Variants in GRM1 observed in about 807,000 individuals in gnomAD.
GRM1 encodes the protein metabotropic glutamate receptor 1.
A neutral mutation model predicts 90.9 loss-of-function variants in GRM1; 33 were observed. The ratio of observed to expected loss-of-function variants is 0.36; its 90% confidence interval spans 0.28 to 0.49. GRM1 has a LOEUF of 0.49. GRM1 is among the 20% of genes least tolerant of loss of function. The pLI is 0.99. For missense variants in GRM1, 1,190 were observed against 1,534.3 expected (o/e 0.78, Z 3.75); for synonymous variants, 700 against 613.2 (o/e 1.14, Z -2.09).
chr6:146,374,938 T>C (rs2115103576), intron 5 of GRM1, among the ~76,000 whole-genome samples: 1 of 152,202 alleles, frequency 6.6e-6, no homozygotes, highest in Middle Eastern at 3.4e-3. Context: ...CTTTTTTAGT[T>C]CCTTAAGATG....
upstream of GRM1, among the ~76,000 whole-genome samples, chr6:146,028,269 G>GTGTGTGTGTGTGTA (rs1554258667): frequency 6.8e-6 from 1 of 147,190 alleles, no homozygotes; most frequent in African/African-American, 2.5e-5. Flanking sequence ...GTGTGTGTGT[G>GTGTGTGTGTGTGTA]TGTGTGTGTA....
At chr6:146,148,988 GT>G (rs1777215915) in intron 1 of GRM1, among the ~76,000 whole-genome samples, 1 of 152,158 alleles carries the variant, frequency 6.6e-6, no homozygotes, top group East Asian at 1.9e-4. Flanking sequence ...GAAATGCTGG[GT>G]TTTTTTCCAA....
intron 2 of GRM1, among the ~76,000 whole-genome samples, chr6:146,232,264 T>G (rs537182357): frequency 6.6e-6 from 1 of 152,142 alleles, no homozygotes; most frequent in South Asian, 2.1e-4. Context: ...GTTGACAAGG[T>G]TGTTTCTTCT....
chr6:146,354,811 TG>T (rs1203627094), intron 4 of GRM1, among the ~76,000 whole-genome samples: 1 of 152,134 alleles, frequency 6.6e-6, no homozygotes, highest in African/African-American at 2.4e-5. Context: ...GAAGGAACCC[TG>T]GGGTCAAAGG....
At chr6:146,218,116 C>T (rs1779937248) in intron 2 of GRM1, among the ~76,000 whole-genome samples, 1 of 152,054 alleles carries the variant, frequency 6.6e-6, no homozygotes, top group Non-Finnish European at 1.5e-5. Flanking sequence ...GTGTGGAGAG[C>T]GATCACTGCT....
In GRM1 at chr6:146,434,432, A is replaced by G. The variant is rs547825360; in HGVS notation, c.3221A>G (p.His1074Arg). The G allele has an allele frequency of 4.3e-6, 7 of 1,613,522 alleles. No individual in the cohort carries two copies. Among genetic ancestry groups the G allele is most frequent in the Middle Eastern group, 1.6e-4 (1 of 6,062 alleles). Residue 1074 changes from histidine to arginine, a missense_variant, in exon 8 of 8, where the codon CAC (histidine) becomes CGC (arginine). Physicochemically the swap from His to Arg is conservative, Grantham distance 29. Around this residue, in one of 10 missense-constraint regions of GRM1, gnomAD observed 400 missense variants for 360.8 expected, o/e 1.11. Coordinates refer to ENST00000282753, the MANE Select transcript of GRM1 (RefSeq NM_001278064.2). The stretch of plus-strand genomic sequence containing the variant: ...TACCCGCCCCCGCCACCTCCGCAGC[A>G]CCTGCAGATGCTGCCGCTGCAGCTG... ...SLYPPPPPPQ[H>R]LQMLPLQLST...
intron 7 of GRM1, among the ~76,000 whole-genome samples, chr6:146,418,263 T>A (rs1777857710): frequency 6.6e-6 from 1 of 152,050 alleles, no homozygotes; most frequent in African/African-American, 2.4e-5. Context: ...AAAATATGTA[T>A]GCAGCCCCAT....
At chr6:146,153,682 A>T (rs1777421798) in intron 1 of GRM1, among the ~76,000 whole-genome samples, 1 of 152,150 alleles carries the variant, frequency 6.6e-6, no homozygotes, top group Non-Finnish European at 1.5e-5. Context: ...TAGATAATGG[A>T]TGCTGGGCTT....
chr6:146,424,540 C>T (rs1383974826), intron 7 of GRM1, among the ~76,000 whole-genome samples: 1 of 152,224 alleles, frequency 6.6e-6, no homozygotes, highest in African/African-American at 2.4e-5. Context: ...TTGACCATCA[C>T]TTGCAAAACA....
In GRM1 at chr6:146,331,153, G is replaced by A. The variant is rs945644196; in HGVS notation, c.1187-21097G>A. The stretch of plus-strand genomic sequence containing the variant: ...AGTCTCAGAAGAGCGGCTGATAGGG[G>A]CTGCTGCCCTGGCAGCATTCAGAGA... On this transcript the variant is annotated intron_variant, in intron 3 of 7. Coordinates refer to ENST00000282753, the MANE Select transcript of GRM1 (RefSeq NM_001278064.2). Among the ~76,000 whole-genome samples the A allele has an allele frequency of 4.6e-5, 7 of 152,144 alleles. No homozygotes were observed. In the South Asian group the frequency reaches 1.5e-3, roughly 32 times the overall value.
Position 146,128,778 on chromosome 6 carries a change from A to G in GRM1, c.701-30570A>G, listed in dbSNP as rs117931596. ...ATATTTTTGGTGTTTCCAGAGGTAA[A>G]CTTCTGAGAATCTTTCGTTTTAAAA... On this transcript the variant is annotated intron_variant, in intron 1 of 7. Transcript: ENST00000282753. Among the ~76,000 whole-genome samples the G allele has an allele frequency of 8.6e-3, 1,312 of 152,258 alleles. 12 individuals are homozygous for G. The highest frequency in any genetic ancestry group is 0.014 in the Non-Finnish European group (949 of 68,006).
intron 2 of GRM1, among the ~76,000 whole-genome samples, chr6:146,272,009 C>T (rs895513132): frequency 6.6e-6 from 1 of 152,182 alleles, no homozygotes; most frequent in African/African-American, 2.4e-5. Flanking sequence ...AATAATCCTC[C>T]ACGTTCCTGC....
At chr6:146,322,789 T>C (rs1784248131) in intron 3 of GRM1, among the ~76,000 whole-genome samples, 1 of 151,842 alleles carries the variant, frequency 6.6e-6, no homozygotes, top group Admixed American at 6.6e-5. Context: ...GTGTGGGATG[T>C]TCCCCTTCCT....
intron 3 of GRM1, among the ~76,000 whole-genome samples, chr6:146,345,737 T>C (rs1785167619): frequency 1.3e-5 from 2 of 152,274 alleles, no homozygotes; most frequent in Admixed American, 6.5e-5. Context: ...TCTTAGAGTG[T>C]GGGAGAGGCC....
chr6:146,407,754 T>A (rs997745642), intron 7 of GRM1, among the ~76,000 whole-genome samples: 1 of 152,194 alleles, frequency 6.6e-6, no homozygotes, highest in East Asian at 1.9e-4. Context: ...AAATCACTTA[T>A]TTTTATCATT....
intron 2 of GRM1, among the ~76,000 whole-genome samples, chr6:146,290,131 C>T (rs1014317864): frequency 2.0e-5 from 3 of 151,470 alleles, no homozygotes; most frequent in Non-Finnish European, 4.4e-5. Context: ...GGCTGGACAA[C>T]CTTTTGTTAC....
At chr6:146,239,891 T>C (rs1583208684) in intron 2 of GRM1, among the ~76,000 whole-genome samples, 1 of 152,056 alleles carries the variant, frequency 6.6e-6, no homozygotes, top group East Asian at 1.9e-4. Flanking sequence ...CAGTCTCCAT[T>C]TGTGGTGGAG....
At chr6:146,350,010 A>G (rs1299491830) in intron 3 of GRM1, among the ~76,000 whole-genome samples, 1 of 152,224 alleles carries the variant, frequency 6.6e-6, no homozygotes. Flanking sequence ...TGTTCTCAAA[A>G]TAATTGTTGC....
intron 2 of GRM1, among the ~76,000 whole-genome samples, chr6:146,227,521 T>C (rs942177229): frequency 2.0e-5 from 3 of 152,210 alleles, no homozygotes; most frequent in African/African-American, 7.2e-5. Context: ...TTAATCTGTC[T>C]CCAATTTTTG....
Sources: gnomAD v4.1 joint callset for allele counts (sites outside exome capture counted in the v4.1 genomes callset) on GRCh38, gnomAD v4.1.1 for gene constraint, gnomAD v4.1.1 regional missense constraint, MANE v1.5 for transcripts, NCBI Gene and HGNC (gene_info 2026-07-23, HGNC 2026-07-21) for gene names.